The following CTNNA2 variants were observed in gnomAD, a reference collection of about 807,000 sequenced individuals.
CTNNA2 encodes the protein catenin alpha 2, also known as catenin alpha-2.
Under a neutral mutation model 101.0 loss-of-function variants are expected in CTNNA2, and 42 were observed. The observed-to-expected ratio is 0.42, with a 90% CI of 0.32 to 0.54. CTNNA2 has a LOEUF of 0.54. Ranked by LOEUF, CTNNA2 falls within the 20% of genes least tolerant of loss-of-function variation. The pLI is 0.14. For missense variants in CTNNA2, 871 were observed against 1,223.1 expected (o/e 0.71, Z 4.29); for synonymous variants, 450 against 456.4 (o/e 0.99, Z 0.18).
chr2:79,665,339 A>T (rs1682339223), intron 2 of CTNNA2, among the ~76,000 whole-genome samples: 1 of 152,134 alleles, frequency 6.6e-6, no homozygotes, highest in East Asian at 1.9e-4. Flanking sequence ...TGAAATGTGC[A>T]TGTATGTGCA....
chr2:79,450,366 C>A (rs1558669342), intron 4 of CTNNA2, among the ~76,000 whole-genome samples: 1 of 151,972 alleles, frequency 6.6e-6, no homozygotes, highest in African/African-American at 2.4e-5. Context: ...TCAACCCTCC[C>A]ATGCTTTATT....
intron 7 of CTNNA2, among the ~76,000 whole-genome samples, chr2:80,124,155 G>A (rs148079278): frequency 3.9e-5 from 6 of 152,244 alleles, no homozygotes; most frequent in South Asian, 2.1e-4. Context: ...AGCAGGAAAC[G>A]TCACTGAGCG....
intron 7 of CTNNA2, among the ~76,000 whole-genome samples, chr2:79,914,153 CGA>C (rs1241970495): frequency 6.8e-5 from 8 of 118,100 alleles, no homozygotes; most frequent in African/African-American, 2.7e-4. Context: ...GGCGACAGAG[CGA>C]GACTCCGTCT....
rs187525381 is a variant in CTNNA2 at position 79,273,671 on chromosome 2, A to C, written c.-405-39038A>C. Among the ~76,000 whole-genome samples, 412 of 152,210 alleles carry C rather than the reference A, an allele frequency of 2.7e-3. 8 individuals are homozygous for C. Among genetic ancestry groups the C allele is most frequent in the Admixed American group, 2.4e-3 (36 of 15,274 alleles). On this transcript the variant is annotated intron_variant, in intron 2 of 21. Transcript: ENST00000466387. ...GATTCTGATGATTCAGACAATTCTG[A>C]TGTTAGTTCTGTTTAGAAATAGCTC...
chr2:79,658,263 T>C (rs1417896840), intron 2 of CTNNA2, among the ~76,000 whole-genome samples: 2 of 151,984 alleles, frequency 1.3e-5, no homozygotes, highest in African/African-American at 4.8e-5. Flanking sequence ...ATAGCTTCAG[T>C]AGTTTACTTA....
chr2:80,004,816 C>T (rs1166923340), intron 7 of CTNNA2, among the ~76,000 whole-genome samples: 1 of 151,998 alleles, frequency 6.6e-6, no homozygotes. Context: ...AATTCTCCTG[C>T]TTCAGCCTCC....
chr2:80,449,993 T>C (rs926547256), intron 9 of CTNNA2, among the ~76,000 whole-genome samples: 1 of 152,214 alleles, frequency 6.6e-6, no homozygotes, highest in African/African-American at 2.4e-5. Context: ...GAAGAATAAA[T>C]TGATTATTCA....
intron 2 of CTNNA2, among the ~76,000 whole-genome samples, chr2:79,271,554 G>A (rs1573009777): frequency 6.6e-6 from 1 of 152,050 alleles, no homozygotes; most frequent in South Asian, 2.1e-4. Flanking sequence ...GGAGAGGCAG[G>A]CAGCTGGAGA....
chr2:79,208,851 G>C (rs1026155343), intron 2 of CTNNA2, among the ~76,000 whole-genome samples: 1 of 152,184 alleles, frequency 6.6e-6, no homozygotes, highest in Non-Finnish European at 1.5e-5. Context: ...CATCAGGAAT[G>C]AATAACTTTA....
intron 2 of CTNNA2, among the ~76,000 whole-genome samples, chr2:79,241,009 C>A (rs1674619085): frequency 6.6e-6 from 1 of 152,190 alleles, no homozygotes; most frequent in Admixed American, 6.5e-5. Context: ...CTTCACTCAA[C>A]ATATTCCCTT....
intron 7 of CTNNA2, among the ~76,000 whole-genome samples, chr2:79,972,922 C>G (rs1203819005): frequency 6.6e-6 from 1 of 152,156 alleles, no homozygotes; most frequent in African/African-American, 2.4e-5. Flanking sequence ...TAGCTCCTCT[C>G]TGCCTGTTGG....
chr2:80,589,213 T>C, intron 14 of CTNNA2, 91 bp from the exon 15 acceptor site: 1 of 1,316,078 alleles, frequency 7.6e-7, no homozygotes, highest in Non-Finnish European at 1.1e-6. Flanking sequence ...CTTTGCAGGG[T>C]CTGGCTCTGC....
Position 79,960,835 on chromosome 2 carries a change from G to A in CTNNA2, c.1056+51038G>A, listed in dbSNP as rs143468001. 5.3e-4 allele frequency among the ~76,000 whole-genome samples: 80 copies of A among 152,250 alleles called. 3 individuals are homozygous for A. The East Asian group carries it at 0.013, about 24-fold the overall frequency. Reference sequence around the variant, plus strand: ...AGGACTTGGCTTTGAACTCTGAGCAGTATAAGTCGTTTCTCTGGCCCGTGA... The same window carrying A: ...AGGACTTGGCTTTGAACTCTGAGCAATATAAGTCGTTTCTCTGGCCCGTGA... On this transcript the variant is annotated intron_variant, in intron 7 of 18. Coordinates refer to ENST00000402739, the MANE Select transcript of CTNNA2 (RefSeq NM_001282597.3).
At chr2:79,320,999 T>C (rs568853559) in intron 3 of CTNNA2, among the ~76,000 whole-genome samples, 3 of 152,310 alleles carry the variant, frequency 2.0e-5, no homozygotes, top group African/African-American at 7.2e-5. Flanking sequence ...TATCCTAGGA[T>C]CTTAGAGTAT....
intron 7 of CTNNA2, among the ~76,000 whole-genome samples, chr2:80,255,355 G>T (rs570895142): frequency 6.6e-6 from 1 of 151,962 alleles, no homozygotes; most frequent in Admixed American, 6.6e-5. Context: ...TTCCATACGG[G>T]CTCTGGTGCC....
At chr2:80,510,910 G>A (rs953479552) in intron 9 of CTNNA2, among the ~76,000 whole-genome samples, 1 of 152,004 alleles carries the variant, frequency 6.6e-6, no homozygotes, top group Non-Finnish European at 1.5e-5. Context: ...TTTTTATCAC[G>A]TTCACTCACA....
chr2:80,610,154 G>C (rs185833669), intron 17 of CTNNA2, among the ~76,000 whole-genome samples: 2 of 151,720 alleles, frequency 1.3e-5, no homozygotes, highest in African/African-American at 4.8e-5. Flanking sequence ...TCATGGGCCT[G>C]CTCTTGGCTT....
intron 9 of CTNNA2, among the ~76,000 whole-genome samples, chr2:80,428,031 C>G (rs536965237): frequency 5.3e-5 from 8 of 152,134 alleles, no homozygotes; most frequent in Non-Finnish European, 1.0e-4. Flanking sequence ...CATGTGAGGT[C>G]GGGAAAGTCT....
At chr2:80,577,136 G>A (rs147642130) in intron 13 of CTNNA2, among the ~76,000 whole-genome samples, 3 of 152,276 alleles carry the variant, frequency 2.0e-5, no homozygotes, top group Non-Finnish European at 4.4e-5. Context: ...CTTATTAGAT[G>A]TCCAAACTTT....
Sources: gnomAD v4.1 joint callset for allele counts (sites outside exome capture counted in the v4.1 genomes callset) on GRCh38, gnomAD v4.1.1 for gene constraint, MANE v1.5 for transcripts, NCBI Gene and HGNC (gene_info 2026-07-23, HGNC 2026-07-21) for gene names.